MDGA2: variants seen among roughly 807,000 people sequenced by gnomAD.
MDGA2 encodes the protein MAM domain-containing glycosylphosphatidylinositol anchor protein 2.
In MDGA2, 40 loss-of-function variants were observed where a neutral mutation model predicts 117.8. The ratio of observed to expected loss-of-function variants is 0.34; its 90% CI spans 0.26 to 0.44. The LOEUF (loss-of-function observed/expected upper bound fraction) is 0.44. Ranked by LOEUF, MDGA2 falls within the 20% of genes least tolerant of loss-of-function variation. MDGA2 has a pLI of 1.00. For missense variants in MDGA2, 1,123 were observed against 1,250.6 expected (o/e 0.90, Z 1.54); for synonymous variants, 452 against 439.0 (o/e 1.03, Z -0.37).
chr14:47,515,251 A>G (rs1023956551), intron 1 of MDGA2, among the ~76,000 whole-genome samples: 1 of 152,176 alleles, frequency 6.6e-6, no homozygotes, highest in African/African-American at 2.4e-5. Context: ...TGCCACAGCA[A>G]TGAATATTTA....
chr14:47,652,561 C>G (rs1160075763), intron 1 of MDGA2, among the ~76,000 whole-genome samples: 1 of 152,064 alleles, frequency 6.6e-6, no homozygotes, highest in Non-Finnish European at 1.5e-5. Context: ...TAGAATTAAA[C>G]TTTGATTCAC....
chr14:47,221,470 C>T (rs935809116), intron 2 of MDGA2, among the ~76,000 whole-genome samples: 6 of 152,070 alleles, frequency 3.9e-5, no homozygotes, highest in Admixed American at 6.5e-5. Flanking sequence ...AGGCGGATCA[C>T]GAGGTCAGGA....
chr14:47,544,480 T>A (rs1895418606), intron 1 of MDGA2, among the ~76,000 whole-genome samples: 2 of 152,220 alleles, frequency 1.3e-5, no homozygotes, highest in Non-Finnish European at 2.9e-5. Context: ...ATGTCAATCA[T>A]GTGTCTGCCA....
chr14:47,508,078 T>C (rs1476281830), intron 1 of MDGA2, among the ~76,000 whole-genome samples: 1 of 152,230 alleles, frequency 6.6e-6, no homozygotes, highest in African/African-American at 2.4e-5. Context: ...CCTGATATAG[T>C]AGTGTAATCA....
At chr14:47,582,372 T>A (rs1014375225) in intron 1 of MDGA2, among the ~76,000 whole-genome samples, 15 of 151,888 alleles carry the variant, frequency 9.9e-5, no homozygotes, top group African/African-American at 3.6e-4. Flanking sequence ...GTTTTAAAAA[T>A]GTGATGAGAA....
At chr14:47,278,265 A>G (rs920246546) in intron 2 of MDGA2, among the ~76,000 whole-genome samples, 1 of 152,212 alleles carries the variant, frequency 6.6e-6, no homozygotes, top group Admixed American at 6.5e-5. Context: ...CTCTTGGAGA[A>G]TATTTTAAAT....
chr14:47,142,110 T>G (rs1426424668), intron 4 of MDGA2, among the ~76,000 whole-genome samples: 2 of 152,186 alleles, frequency 1.3e-5, no homozygotes, highest in African/African-American at 4.8e-5. Context: ...CCAAGGCCCC[T>G]GTGTTCATTT....
intron 2 of MDGA2, among the ~76,000 whole-genome samples, chr14:47,265,899 C>T (rs1485908414): frequency 6.6e-6 from 1 of 152,122 alleles, no homozygotes; most frequent in Non-Finnish European, 1.5e-5. Context: ...CAAATCACAA[C>T]ACCTACCACA....
intron 3 of MDGA2, among the ~76,000 whole-genome samples, chr14:47,191,304 T>G (rs1468762285): frequency 1.3e-5 from 2 of 151,392 alleles, no homozygotes; most frequent in Non-Finnish European, 2.9e-5. Flanking sequence ...TTTTAAAGAC[T>G]CAATAAAATT....
chr14:47,665,799 C>T (rs1264241120), intron 1 of MDGA2, among the ~76,000 whole-genome samples: 69 of 58,178 alleles, frequency 1.2e-3, no homozygotes, highest in Non-Finnish European at 2.1e-3. Context: ...AGCCCGCCCC[C>T]TCCCTCGCCC....
At chr14:47,329,828 T>C (rs928082514) in intron 1 of MDGA2, among the ~76,000 whole-genome samples, 1 of 151,858 alleles carries the variant, frequency 6.6e-6, no homozygotes. Context: ...CATTTTATAA[T>C]GAGAAAACTA....
At chr14:47,189,052 T>C (rs1054027233) in intron 3 of MDGA2, among the ~76,000 whole-genome samples, 1 of 152,134 alleles carries the variant, frequency 6.6e-6, no homozygotes, top group African/African-American at 2.4e-5. Context: ...TTGTTGTTGG[T>C]GACAGCTCAC....
intron 15 of MDGA2, among the ~76,000 whole-genome samples, chr14:46,847,926 T>C (rs1311786872): frequency 1.3e-5 from 2 of 151,978 alleles, no homozygotes; most frequent in Non-Finnish European, 2.9e-5. Context: ...AGTCTTGGGG[T>C]ATATTTTCCC....
chr14:47,247,632 T>TTTTTTTTTA (rs33990961), intron 2 of MDGA2, among the ~76,000 whole-genome samples: 1 of 146,126 alleles, frequency 6.8e-6, no homozygotes, highest in Non-Finnish European at 1.5e-5. Context: ...TCAGTACATA[T>TTTTTTTTTA]TTATTATTAT....
chr14:47,389,756 C>G (rs886070551), intron 1 of MDGA2, among the ~76,000 whole-genome samples: 1 of 152,084 alleles, frequency 6.6e-6, no homozygotes, highest in Non-Finnish European at 1.5e-5. Flanking sequence ...AGGGATTTCC[C>G]AGAGAGCTGT....
chr14:47,132,491 A>G (rs1486186527), intron 4 of MDGA2, among the ~76,000 whole-genome samples: 5 of 151,912 alleles, frequency 3.3e-5, no homozygotes, highest in African/African-American at 1.2e-4. Flanking sequence ...CTCCAGGTAA[A>G]TCTGCACAAC....
At chr14:46,953,793 T>C (rs1885456144) in intron 9 of MDGA2, among the ~76,000 whole-genome samples, 1 of 152,024 alleles carries the variant, frequency 6.6e-6, no homozygotes, top group South Asian at 2.1e-4. Flanking sequence ...TTGCTAAATA[T>C]TTAGGAATAT....
intron 14 of MDGA2, among the ~76,000 whole-genome samples, chr14:46,865,993 T>TC (rs1881740910): frequency 1.3e-5 from 2 of 151,242 alleles, no homozygotes; most frequent in Non-Finnish European, 3.0e-5. Flanking sequence ...TTCAATGCCA[T>TC]CCCCATCAAG....
intron 1 of MDGA2, among the ~76,000 whole-genome samples, chr14:47,572,450 A>C (rs1896038623): frequency 6.6e-6 from 1 of 152,212 alleles, no homozygotes; most frequent in East Asian, 1.9e-4. Flanking sequence ...TAAGGCTATT[A>C]AACTTTGATT....
Sources: allele counts gnomAD v4.1 joint callset (sites outside exome capture counted in the v4.1 genomes callset), GRCh38; gene constraint gnomAD v4.1.1; transcripts MANE v1.5; gene names NCBI Gene and HGNC (gene_info 2026-07-23, HGNC 2026-07-21).